FAM171A1: variants seen among roughly 807,000 people sequenced by gnomAD.
The protein encoded by FAM171A1 is protein FAM171A1.
In FAM171A1, 23 loss-of-function variants were observed where a neutral mutation model predicts 74.9. The ratio of observed to expected loss-of-function variants is 0.31; its 90% CI spans 0.22 to 0.44. The LOEUF (loss-of-function observed/expected upper bound fraction) is 0.44, where lower values mean the gene tolerates loss of function less well. Among genes scored for constraint, FAM171A1 ranks in the 20% least tolerant of loss-of-function variants. The probability of loss-of-function intolerance (pLI) is 1.00; values close to 1 mark genes in which losing one functional copy is unlikely to be tolerated. For missense variants in FAM171A1, 1,162 were observed against 1,159.2 expected, an observed-to-expected ratio of 1.00 and a Z score of -0.03; for synonymous variants, 527 against 505.7, an observed-to-expected ratio of 1.04 and a Z score of -0.57.
At chr10:15,359,679 G>C (rs541870521) in intron 1 of FAM171A1, among the ~76,000 whole-genome samples, 1 of 152,186 alleles carries the variant, frequency 6.6e-6, no homozygotes, top group African/African-American at 2.4e-5. Context: ...TCCTGAATGA[G>C]CCCCTAGAAG....
intron 1 of FAM171A1, among the ~76,000 whole-genome samples, chr10:15,296,328 T>C (rs2131822488): frequency 6.6e-6 from 1 of 152,210 alleles, no homozygotes; most frequent in East Asian, 1.9e-4. Flanking sequence ...ATATGTTATG[T>C]AACATATAAC....
chr10:15,241,875 C>G (rs1834368596), intron 5 of FAM171A1: 1 of 152,082 alleles, frequency 6.6e-6, no homozygotes. Context: ...CTTTGTACCC[C>G]TTGATCAACA....
rs1166119165 is a variant in FAM171A1 at position 15,284,028 on chromosome 10, T to C, written c.175A>G (p.Asn59Asp). Residue 59 changes from asparagine (N) to aspartate (D), a missense_variant, in exon 2 of 8, where the codon AAC (asparagine) becomes GAC (aspartate). Asn to Asp is a conservative substitution (Grantham distance 23). Coordinates refer to ENST00000378116, the MANE Select transcript of FAM171A1 (RefSeq NM_001010924.2). ...GTGCCAGAGGCTATGGAGGCCTGGT[T>C]GGTGAAGATCTCGATGAGCGCATCT... ...VADALIEIFTNQASIASGTSG... is the reference protein window; with the variant it reads ...VADALIEIFTDQASIASGTSG... 6.2e-7 allele frequency: 1 copy of C among 1,614,138 alleles called. No homozygotes were observed. The highest frequency in any genetic ancestry group is 1.1e-5 in the South Asian group (1 of 91,070).
intron 1 of FAM171A1, among the ~76,000 whole-genome samples, chr10:15,368,917 C>T (rs145638143): frequency 3.6e-4 from 55 of 152,234 alleles, no homozygotes; most frequent in African/African-American, 1.2e-3. Flanking sequence ...AATCCAAATG[C>T]CAGGTAGTGA....
intron 4 of FAM171A1, among the ~76,000 whole-genome samples, chr10:15,250,178 C>T (rs1834489377): frequency 6.6e-6 from 1 of 152,238 alleles, no homozygotes; most frequent in African/African-American, 2.4e-5. Context: ...TCATTCATAC[C>T]CGTCTGTTTT....
At chr10:15,356,746 G>A (rs1347842475) in intron 1 of FAM171A1, among the ~76,000 whole-genome samples, 1 of 152,088 alleles carries the variant, frequency 6.6e-6, no homozygotes, top group African/African-American at 2.4e-5. Context: ...CGAGGCGGGT[G>A]GATCCCCTGA....
intron 1 of FAM171A1, among the ~76,000 whole-genome samples, chr10:15,341,889 T>C (rs1282265332): frequency 6.6e-6 from 1 of 152,212 alleles, no homozygotes; most frequent in African/African-American, 2.4e-5. Flanking sequence ...CTTCCTTCCC[T>C]ATCTGACCCC....
chr10:15,312,894 A>G (rs1835381119), intron 1 of FAM171A1, among the ~76,000 whole-genome samples: 1 of 151,094 alleles, frequency 6.6e-6, no homozygotes, highest in Admixed American at 6.6e-5. Flanking sequence ...TGGGTTTCAC[A>G]ATGTTGGCCT....
chr10:15,342,914 C>CAGGGTGAAACCTGCCCT (rs1182629777), intron 1 of FAM171A1, among the ~76,000 whole-genome samples: 1 of 152,206 alleles, frequency 6.6e-6, no homozygotes, highest in Non-Finnish European at 1.5e-5. Context: ...AGTCATGGCC[C>CAGGGTGAAACCTGCCCT]AGGGTGAAAC....
At position 15,366,973 on chromosome 10, in the gene FAM171A1, C is replaced by A. The variant is rs553704808; in HGVS notation, c.97+3983G>T. 3.3e-5 allele frequency among the ~76,000 whole-genome samples: 5 copies of A among 152,100 alleles called. No homozygotes were observed. The South Asian group carries it at 1.0e-3, about 32-fold the overall frequency. ...CAGCACTTTGGGAGGCTGAGGCAGG[C>A]GGATCACAAGGTCAGGAGATCGAGA... On this transcript the variant is annotated intron_variant, in intron 1 of 7. Coordinates refer to ENST00000378116, the MANE Select transcript of FAM171A1 (RefSeq NM_001010924.2).
intron 3 of FAM171A1, among the ~76,000 whole-genome samples, chr10:15,273,227 A>G (rs1258774421): frequency 6.6e-6 from 1 of 152,270 alleles, no homozygotes; most frequent in Non-Finnish European, 1.5e-5. Context: ...CCAATTCCAC[A>G]GAAATACAAA....
At chr10:15,325,747 C>G (rs1233626715) in intron 1 of FAM171A1, among the ~76,000 whole-genome samples, 1 of 152,074 alleles carries the variant, frequency 6.6e-6, no homozygotes, top group Admixed American at 6.6e-5. Context: ...CGCCCACGGT[C>G]GTGCTTGGCT....
chr10:15,337,719 C>A (rs114616516), intron 1 of FAM171A1, among the ~76,000 whole-genome samples: 1 of 151,736 alleles, frequency 6.6e-6, no homozygotes, highest in African/African-American at 2.4e-5. Flanking sequence ...GAGGCAGAGG[C>A]GAGCGGATCA....
intron 1 of FAM171A1, among the ~76,000 whole-genome samples, chr10:15,364,806 G>T (rs766095275): frequency 3.3e-5 from 5 of 152,098 alleles, no homozygotes; most frequent in Admixed American, 6.5e-5. Context: ...ATCTGCAAAG[G>T]TATCTGTGTA....
chr10:15,245,431 C>G, intron 5 of FAM171A1, among the ~76,000 whole-genome samples: 1 of 152,186 alleles, frequency 6.6e-6, no homozygotes, highest in East Asian at 1.9e-4. Context: ...ATCTCATCAG[C>G]CTGCCTTGCA....
chr10:15,330,981 C>G (rs1400920123), intron 1 of FAM171A1, among the ~76,000 whole-genome samples: 1 of 151,994 alleles, frequency 6.6e-6, no homozygotes, highest in African/African-American at 2.4e-5. Flanking sequence ...CCTCTGCCTC[C>G]TGGGTTCAAG....
At chr10:15,326,035 C>G (rs1421037460) in intron 1 of FAM171A1, among the ~76,000 whole-genome samples, 1 of 152,204 alleles carries the variant, frequency 6.6e-6, no homozygotes, top group Admixed American at 6.5e-5. Flanking sequence ...ATTAGGAAAT[C>G]CATCACGAAC....
chr10:15,322,265 C>T (rs1239478659), intron 1 of FAM171A1, among the ~76,000 whole-genome samples: 3 of 152,160 alleles, frequency 2.0e-5, no homozygotes, highest in African/African-American at 4.8e-5. Flanking sequence ...GAGGGGCCGT[C>T]GGCTGCCAAG....
chr10:15,294,868 G>A (rs1835142171), intron 1 of FAM171A1, among the ~76,000 whole-genome samples: 3 of 152,150 alleles, frequency 2.0e-5, no homozygotes, highest in East Asian at 3.9e-4. Context: ...CAAAACTGCC[G>A]ACAAACTTTG....
Sources: allele counts gnomAD v4.1 joint callset (sites outside exome capture counted in the v4.1 genomes callset), GRCh38; gene constraint gnomAD v4.1.1; transcripts MANE v1.5; gene names NCBI Gene and HGNC (gene_info 2026-07-23, HGNC 2026-07-21).